RHOBTB3: variants seen among roughly 807,000 people sequenced by gnomAD.
The protein encoded by RHOBTB3 is Rho related BTB domain containing 3, also known as rho-related BTB domain-containing protein 3.
A neutral mutation model predicts 67.2 loss-of-function variants in RHOBTB3; 47 were observed. The ratio of observed to expected loss-of-function variants is 0.70; its 90% CI spans 0.55 to 0.89. The LOEUF is 0.89. Ranked by LOEUF, RHOBTB3 falls within the 40% of genes least tolerant of loss-of-function variation. The probability of loss-of-function intolerance (pLI) is 0.00; values close to 1 mark genes in which losing one functional copy is unlikely to be tolerated. For synonymous variants in RHOBTB3, 273 were observed against 274.2 expected (o/e 1.00, Z 0.04); for missense variants, 631 against 750.0 (o/e 0.84, Z 1.85).
Position 95,732,088 on chromosome 5 carries a change from A to G in RHOBTB3, c.228+4A>G. On this transcript the variant is annotated splice_donor_region_variant and intron_variant, in intron 2 of 11. Coordinates refer to ENST00000379982, the MANE Select transcript of RHOBTB3 (RefSeq NM_014899.4). Reference sequence around the variant, plus strand: ...GGTCCACGACTGTCCCGTCTGGGTAAGGAAGAGCAGCTGCTCCGCGCTGAG... The same window carrying G: ...GGTCCACGACTGTCCCGTCTGGGTAGGGAAGAGCAGCTGCTCCGCGCTGAG... 1 of 1,613,238 alleles carries G rather than the reference A, an allele frequency of 6.2e-7. No individual in the cohort carries two copies.
At chr5:95,779,657 G>T (rs1024084585) in intron 8 of RHOBTB3, among the ~76,000 whole-genome samples, 1 of 152,190 alleles carries the variant, frequency 6.6e-6, no homozygotes, top group Non-Finnish European at 1.5e-5. Flanking sequence ...GTTGCCTGAG[G>T]AAGTAGTGTG....
intron 6 of RHOBTB3, among the ~76,000 whole-genome samples, chr5:95,762,119 A>G (rs1745410719): frequency 6.6e-6 from 1 of 152,202 alleles, no homozygotes; most frequent in Non-Finnish European, 1.5e-5. Flanking sequence ...AGTTGTGTTT[A>G]TCATCCCCAT....
Position 95,785,610 on chromosome 5 carries a change from T to C in RHOBTB3, c.1623+1647T>C, listed in dbSNP as rs553934254. 1.3e-3 allele frequency among the ~76,000 whole-genome samples: 201 copies of C among 152,034 alleles called. No homozygotes were observed. In the South Asian group the frequency reaches 0.022, roughly 17 times the overall value. ...CTCCGTCTCAAAAAAAAAAAAAAAT[T>C]GAGTAACACTGATCTCTTTTTGTAA... On this transcript the variant is annotated intron_variant, in intron 10 of 11. Transcript: ENST00000379982.
intron 9 of RHOBTB3, among the ~76,000 whole-genome samples, chr5:95,783,419 C>T (rs1376028216): frequency 6.6e-6 from 1 of 151,536 alleles, no homozygotes; most frequent in Admixed American, 6.6e-5. Flanking sequence ...ACTGCGCCGG[C>T]CCTTCTTTTT....
intron 8 of RHOBTB3, among the ~76,000 whole-genome samples, chr5:95,771,426 T>C (rs1354195455): frequency 6.6e-6 from 1 of 152,196 alleles, no homozygotes; most frequent in Admixed American, 6.5e-5. Flanking sequence ...AACTTTCCAA[T>C]GTACCTTCCG....
rs768145764 is a variant in RHOBTB3, at chr5:95,783,888, C to T, written c.1548C>T (p.Thr516=). The change falls in exon 10 of 12, where the codon ACC becomes ACT. Residue 516 remains threonine, a synonymous_variant. Transcript: ENST00000379982. ...ACATCTGTGAGCTGTTCATCATTAC[C>T]CAGCTGCAGAGCATGCCAAGCAGGG... ...LQHICELFII[T]QLQSMPSREL... is the part of the protein sequence containing the mutation. The T allele has an allele frequency of 6.2e-7, 1 of 1,613,910 alleles. No homozygotes were observed. The highest frequency in any genetic ancestry group is 8.5e-7 in the Non-Finnish European group (1 of 1,179,856).
chr5:95,790,114 T>G (rs1746336521), intron 11 of RHOBTB3, among the ~76,000 whole-genome samples: 1 of 152,214 alleles, frequency 6.6e-6, no homozygotes, highest in Non-Finnish European at 1.5e-5. Context: ...ATATGTCTAT[T>G]AGGAGCCTCC....
intron 9 of RHOBTB3, 57 bp from the exon 10 acceptor site, chr5:95,783,740 G>C: frequency 6.8e-7 from 1 of 1,480,356 alleles, no homozygotes; most frequent in Non-Finnish European, 9.3e-7. Context: ...GGGGTGTTTA[G>C]ATCATTAAAG....
intron 5 of RHOBTB3, 135 bp downstream of exon 5, chr5:95,752,485 A>G (rs1262850385): frequency 4.4e-6 from 3 of 684,284 alleles, no homozygotes; most frequent in Non-Finnish European, 7.7e-6. Context: ...TCAACCTGGG[A>G]TAAGGCCTAG....
At chr5:95,747,760 T>C (rs1259162853) in intron 3 of RHOBTB3, among the ~76,000 whole-genome samples, 1 of 152,230 alleles carries the variant, frequency 6.6e-6, no homozygotes, top group Non-Finnish European at 1.5e-5. Context: ...TGAAGTCAAA[T>C]GCGTTAGAGT....
At chr5:95,777,577 C>A (rs564143697) in intron 8 of RHOBTB3, among the ~76,000 whole-genome samples, 1 of 152,276 alleles carries the variant, frequency 6.6e-6, no homozygotes, top group South Asian at 2.1e-4. Context: ...ATTTCTTTAC[C>A]TGTATCCTAT....
chr5:95,757,713 G>A (rs562445304), intron 6 of RHOBTB3, among the ~76,000 whole-genome samples: 1 of 152,322 alleles, frequency 6.6e-6, no homozygotes, highest in African/African-American at 2.4e-5. Flanking sequence ...GTGGTGCTAG[G>A]TTAGTGAAAT....
chr5:95,773,727 G>C (rs1745787767), intron 8 of RHOBTB3, among the ~76,000 whole-genome samples: 1 of 152,210 alleles, frequency 6.6e-6, no homozygotes, highest in Admixed American at 6.5e-5. Flanking sequence ...GAAATTTTGA[G>C]TTAGAAGTTG....
At position 95,783,790 on chromosome 5, in the gene RHOBTB3, T is replaced by C. The variant is rs550548759; in HGVS notation, c.1457-7T>C. 4 of 1,602,874 alleles carry C rather than the reference T, an allele frequency of 2.5e-6. No individual in the cohort carries two copies. Among genetic ancestry groups the C allele is most frequent in the Admixed American group, 3.4e-5 (2 of 59,696 alleles). On this transcript the variant is annotated splice_region_variant and splice_polypyrimidine_tract_variant and intron_variant, in intron 9 of 11. Transcript: ENST00000379982. ...TCCACTTTCTCTCATGTCCCTTTTC[T>C]CATCAGCTGGCATATTCCAGGCCAT...
chr5:95,734,585 A>G (rs929883515), intron 2 of RHOBTB3, among the ~76,000 whole-genome samples: 5 of 152,144 alleles, frequency 3.3e-5, no homozygotes, highest in Admixed American at 3.3e-4. Flanking sequence ...TTTTAAAACA[A>G]ATGTGCTGCA....
intron 8 of RHOBTB3, among the ~76,000 whole-genome samples, chr5:95,768,644 C>T (rs1052879932): frequency 6.6e-6 from 1 of 152,202 alleles, no homozygotes; most frequent in Non-Finnish European, 1.5e-5. Flanking sequence ...TTATGCCTGG[C>T]CCACCTCAGG....
intron 3 of RHOBTB3, among the ~76,000 whole-genome samples, chr5:95,744,036 TCCTC>T (rs1755679174): frequency 6.7e-6 from 1 of 149,366 alleles, no homozygotes; most frequent in Non-Finnish European, 1.5e-5. Context: ...TTTCCTTCCT[TCCTC>T]CCTCCCTCTC....
chr5:95,785,962 T>C (rs13153646), intron 10 of RHOBTB3, among the ~76,000 whole-genome samples: 1 of 152,346 alleles, frequency 6.6e-6, no homozygotes, highest in South Asian at 2.1e-4. Context: ...TGACTTGTTT[T>C]CCCTGATTCT....
chr5:95,730,926 G>T (rs577061170), upstream of RHOBTB3: 55 of 459,798 alleles, frequency 1.2e-4, no homozygotes, highest in South Asian at 4.8e-4. Context: ...GGCCAAGAGG[G>T]GGGGAAATCG....
Sources: gnomAD v4.1 joint callset for allele counts (sites outside exome capture counted in the v4.1 genomes callset) on GRCh38, gnomAD v4.1.1 for gene constraint, MANE v1.5 for transcripts, NCBI Gene and HGNC (gene_info 2026-07-23, HGNC 2026-07-21) for gene names.